The following SLC7A2 variants were observed in gnomAD, a reference collection of about 807,000 sequenced individuals.
SLC7A2 encodes cationic amino acid transporter 2.
In SLC7A2, 48 loss-of-function variants were observed where a neutral mutation model predicts 58.9. The ratio of observed to expected loss-of-function variants is 0.82; its 90% confidence interval spans 0.65 to 1.04. The LOEUF (loss-of-function observed/expected upper bound fraction) is 1.04. SLC7A2 is among the 50% of genes least tolerant of loss of function. The pLI is 0.00. For missense variants in SLC7A2, 1,029 were observed against 818.8 expected, an observed-to-expected ratio of 1.26 and a Z score of -3.13; for synonymous variants, 363 against 314.5, an observed-to-expected ratio of 1.15 and a Z score of -1.63.
At chr8:17,531,435 T>C (rs1033623409) in intron 2 of SLC7A2, among the ~76,000 whole-genome samples, 2 of 152,190 alleles carry the variant, frequency 1.3e-5, no homozygotes, top group African/African-American at 4.8e-5. Context: ...AGTAGTATGA[T>C]ATATGTGTAT....
upstream of SLC7A2, among the ~76,000 whole-genome samples, chr8:17,495,237 C>G (rs1381275619): frequency 6.6e-6 from 1 of 152,126 alleles, no homozygotes; most frequent in Non-Finnish European, 1.5e-5. Context: ...CACCGCGACT[C>G]CCAGGAATCT....
chr8:17,538,893 C>T (rs368666698), intron 2 of SLC7A2: 3 of 1,613,586 alleles, frequency 1.9e-6, no homozygotes, highest in African/African-American at 2.7e-5. Context: ...GAACACCTGC[C>T]CCACCGGTTT....
At chr8:17,550,156 A>T in intron 5 of SLC7A2, 145 bp from the exon 6 acceptor site, 1 of 713,332 alleles carries the variant, frequency 1.4e-6, no homozygotes, top group South Asian at 1.9e-5. Flanking sequence ...GCACAGGGTG[A>T]GAGAGTAAAG....
intron 2 of SLC7A2, among the ~76,000 whole-genome samples, chr8:17,530,860 C>G (rs1203875520): frequency 6.6e-6 from 1 of 152,130 alleles, no homozygotes; most frequent in Non-Finnish European, 1.5e-5. Flanking sequence ...GTGTGAGCTA[C>G]TGCATCCAGC....
rs1259456323 is a variant in SLC7A2 at position 17,570,533 on chromosome 8, G to C, written c.*5387G>C. The C allele has an allele frequency of 3.5e-5, 5 of 143,898 alleles. No individual in the cohort carries two copies. The highest frequency in any genetic ancestry group is 3.0e-4 in the Admixed American group (4 of 13,138). 8.9% of individuals were successfully genotyped at this position (143,898 alleles called of 1,614,324 possible). On this transcript the variant is annotated 3_prime_UTR_variant, in exon 13 of 13. Coordinates refer to ENST00000494857, the MANE Select transcript of SLC7A2 (RefSeq NM_001370338.1). ...ACTGTAAAATATGCTTTCTGATGTG[G>C]TGTATTTTTAAAATAAATTTTAATA...
chr8:17,558,022 C>T (rs1802790297), intron 8 of SLC7A2, among the ~76,000 whole-genome samples: 2 of 152,138 alleles, frequency 1.3e-5, no homozygotes. Context: ...AATGTTTTCA[C>T]TCTTTGTCAG....
In SLC7A2 at chr8:17,509,625, G is replaced by A. The variant is rs192632785; in HGVS notation, c.-23+7323G>A. 3.9e-5 allele frequency among the ~76,000 whole-genome samples: 6 copies of A among 152,108 alleles called. No homozygotes were observed. In the East Asian group the frequency reaches 1.2e-3, roughly 30 times the overall value. On this transcript the variant is annotated intron_variant, in intron 2 of 12. Transcript: ENST00000494857. ...CCAACAATTTCTTTATTATTATTAA[G>A]TACAATAAAAAGAGAAACAAGAGTG...
At chr8:17,522,478 G>A (rs1339016967) in intron 2 of SLC7A2, among the ~76,000 whole-genome samples, 5 of 152,126 alleles carry the variant, frequency 3.3e-5, no homozygotes, top group Non-Finnish European at 7.3e-5. Context: ...TAGATTGTGC[G>A]CTTGTTTGTA....
intron 2 of SLC7A2, among the ~76,000 whole-genome samples, chr8:17,518,540 A>G (rs1800890774): frequency 6.6e-6 from 1 of 152,172 alleles, no homozygotes; most frequent in Admixed American, 6.5e-5. Context: ...ATCATGGGAA[A>G]TTCTGAGCTC....
At chr8:17,554,840 AT>A in intron 8 of SLC7A2, 141 bp downstream of exon 8, 2 of 1,465,026 alleles carry the variant, frequency 1.4e-6, no homozygotes, top group Non-Finnish European at 1.8e-6. Context: ...CCTATTTTGA[AT>A]TTTTTGGTTC....
In SLC7A2 at chr8:17,567,024, T is replaced by C. The variant is rs1158080090; in HGVS notation, c.*1878T>C. The C allele has an allele frequency of 1.3e-5, 2 of 152,630 alleles. No homozygotes were observed. Among genetic ancestry groups the C allele is most frequent in the Non-Finnish European group, 2.9e-5 (2 of 68,034 alleles). 9.5% of individuals were successfully genotyped at this position (152,630 alleles called of 1,614,324 possible). On this transcript the variant is annotated 3_prime_UTR_variant, in exon 13 of 13. Coordinates refer to ENST00000494857, the MANE Select transcript of SLC7A2 (RefSeq NM_001370338.1). ...CAAAGAAACAGGTAGAAAGCCTGGG[T>C]TTCTGGCTGCTAGCGTTATAGCATC... is the stretch of plus-strand genomic sequence containing the variant.
chr8:17,566,220 C>T lies in SLC7A2; in HGVS notation c.*1074C>T, dbSNP rs1052739513. 6.6e-6 allele frequency: 1 copy of T among 152,192 alleles called. No individual in the cohort carries two copies. Among genetic ancestry groups the T allele is most frequent in the Non-Finnish European group, 1.5e-5 (1 of 68,038 alleles). 9.4% of individuals were successfully genotyped at this position (152,192 alleles called of 1,614,324 possible). ...TAGTTTTTTTCTTAACCTCGTCAGG[C>T]CCAGAGTTCACTTCTTTGTTTCTCT... On this transcript the variant is annotated 3_prime_UTR_variant, in exon 13 of 13. Coordinates refer to ENST00000494857, the MANE Select transcript of SLC7A2 (RefSeq NM_001370338.1).
intron 11 of SLC7A2, 140 bp from the exon 12 acceptor site, chr8:17,563,463 G>A (rs1563486992): frequency 3.4e-6 from 2 of 588,020 alleles, no homozygotes; most frequent in East Asian, 5.7e-5. Context: ...CTCCTTTTAT[G>A]GTCTCTAGAA....
At chr8:17,552,045 C>G in intron 7 of SLC7A2, 59 bp downstream of exon 7, 1 of 1,426,436 alleles carries the variant, frequency 7.0e-7, no homozygotes, top group Non-Finnish European at 9.8e-7. Flanking sequence ...TAGTCAGTGT[C>G]TAAAAATTTG....
chr8:17,523,081 A>C (rs1449438231), intron 2 of SLC7A2, among the ~76,000 whole-genome samples: 1 of 152,102 alleles, frequency 6.6e-6, no homozygotes, highest in Non-Finnish European at 1.5e-5. Context: ...AGGTGCAGCA[A>C]ACCACTGTGG....
chr8:17,536,871 A>G (rs1482783201), intron 2 of SLC7A2, among the ~76,000 whole-genome samples: 1 of 152,156 alleles, frequency 6.6e-6, no homozygotes, highest in Non-Finnish European at 1.5e-5. Flanking sequence ...ACCACTCTAA[A>G]TAGCTGAAGT....
intron 1 of SLC7A2, chr8:17,500,092 G>A (rs1284039823): frequency 6.6e-6 from 1 of 152,122 alleles, no homozygotes; most frequent in South Asian, 2.1e-4. Flanking sequence ...CGGTTTTAGA[G>A]GGATTCTATA....
intron 2 of SLC7A2, among the ~76,000 whole-genome samples, chr8:17,506,154 A>C (rs1023105139): frequency 2.6e-5 from 4 of 152,350 alleles, no homozygotes; most frequent in African/African-American, 9.6e-5. Context: ...ACAATTCATC[A>C]AGAACATAGC....
intron 2 of SLC7A2, among the ~76,000 whole-genome samples, chr8:17,507,928 A>C (rs987937235): frequency 3.9e-5 from 6 of 152,156 alleles, no homozygotes; most frequent in African/African-American, 7.2e-5. Flanking sequence ...TGACATTCTT[A>C]TGATATGAAC....
Sources: gnomAD v4.1 joint callset for allele counts (sites outside exome capture counted in the v4.1 genomes callset) on GRCh38, gnomAD v4.1.1 for gene constraint, MANE v1.5 for transcripts, NCBI Gene and HGNC (gene_info 2026-07-23, HGNC 2026-07-21) for gene names.